Variants in TFG observed in about 807,000 individuals in gnomAD.
TFG encodes protein TFG.
TFG carries 22 observed loss-of-function variants against 51.4 expected under a neutral mutation model. That is an observed-to-expected ratio of 0.43 (90% confidence interval 0.31 to 0.61). The LOEUF (loss-of-function observed/expected upper bound fraction) is 0.61, where lower values mean the gene tolerates loss of function less well. Among genes scored for constraint, TFG ranks in the 20% least tolerant of loss-of-function variants. The pLI, the probability that TFG is intolerant of heterozygous loss-of-function variation, is 0.12. For missense variants in TFG, 419 were observed against 487.7 expected, an observed-to-expected ratio of 0.86 and a Z score of 1.33; for synonymous variants, 187 against 165.6, an observed-to-expected ratio of 1.13 and a Z score of -0.99.
At chr3:100,728,186 G>GT (rs957087938) in intron 3 of TFG, among the ~76,000 whole-genome samples, 10 of 151,470 alleles carry the variant, frequency 6.6e-5, no homozygotes, top group South Asian at 2.1e-4. Context: ...TTAGTTAGCT[G>GT]TTTTTTTTCA....
chr3:100,722,863 T>G (rs1191978348), intron 3 of TFG, among the ~76,000 whole-genome samples: 1 of 152,196 alleles, frequency 6.6e-6, no homozygotes, highest in East Asian at 1.9e-4. Context: ...TTTTTAACAG[T>G]GGTCTTCATC....
intron 1 of TFG, among the ~76,000 whole-genome samples, chr3:100,710,803 G>T (rs1442771991): frequency 6.6e-6 from 1 of 152,194 alleles, no homozygotes; most frequent in Non-Finnish European, 1.5e-5. Flanking sequence ...TTGTCGTAGG[G>T]CTCCTACTGG....
In TFG at chr3:100,732,545, T is replaced by C; in HGVS notation, c.453T>C (p.Asp151=). ...VDGREEKSAS[D]SSGKQSTQVM... ...GTAGGGAAGAAAAGTCTGCTTCTGATTCTTCTGGAAAACAGTCTACTCAGG... is the reference window on the plus strand; with the variant it reads ...GTAGGGAAGAAAAGTCTGCTTCTGACTCTTCTGGAAAACAGTCTACTCAGG... Residue 151 remains aspartate (D), a synonymous_variant, in exon 5 of 8, where the codon GAT becomes GAC. Transcript: ENST00000240851. 1 of 1,612,018 alleles carries C rather than the reference T, an allele frequency of 6.2e-7. No individual in the cohort carries two copies. Among genetic ancestry groups the C allele is most frequent in the Non-Finnish European group, 8.5e-7 (1 of 1,179,178 alleles).
intron 3 of TFG, among the ~76,000 whole-genome samples, chr3:100,722,751 G>C (rs1248655563): frequency 6.6e-6 from 1 of 152,158 alleles, no homozygotes; most frequent in Non-Finnish European, 1.5e-5. Context: ...AAAATAACTA[G>C]AAAAGTAGCA....
chr3:100,719,926 T>G, intron 2 of TFG, 49 bp from the exon 3 acceptor site: 1 of 1,248,472 alleles, frequency 8.0e-7, no homozygotes, highest in South Asian at 1.4e-5. Context: ...TATACAAATC[T>G]GAAAATTTAA....
intron 6 of TFG, 93 bp downstream of exon 6, chr3:100,736,809 G>T (rs2149087836): frequency 2.9e-6 from 4 of 1,366,738 alleles, no homozygotes; most frequent in Non-Finnish European, 4.0e-6. Context: ...ATTTAGTCAT[G>T]CCTTAAACAC....
At chr3:100,718,916 A>C (rs1214032967) in intron 2 of TFG, among the ~76,000 whole-genome samples, 1 of 152,102 alleles carries the variant, frequency 6.6e-6, no homozygotes, top group East Asian at 1.9e-4. Context: ...GAGTGGAGGG[A>C]TGGCTTAGGT....
At position 100,748,867 on chromosome 3, in the gene TFG, T is replaced by TATTA; in HGVS notation, c.*338_*341dup. The TATTA allele has an allele frequency of 3.7e-6, 1 of 270,550 alleles. No individual in the cohort carries two copies. Among genetic ancestry groups the TATTA allele is most frequent in the Non-Finnish European group, 7.1e-6 (1 of 141,386 alleles). 16.8% of individuals were successfully genotyped at this position (270,550 alleles called of 1,614,324 possible). A position where few individuals can be genotyped will look rare whatever the true frequency, so the allele number is the denominator to read the frequency against. Reference sequence around the variant, plus strand: ...TTAGCCATCTTACTTGGCTTTTTACTATTAACATGATGTACTAAAGTAGAG... The same window carrying TATTA: ...TTAGCCATCTTACTTGGCTTTTTACTATTAATTAACATGATGTACTAAAGTAGAG... On this transcript the variant is annotated 3_prime_UTR_variant, in exon 8 of 8. Transcript: ENST00000240851.
chr3:100,732,596 T>G lies in TFG; in HGVS notation c.504T>G (p.Phe168Leu). 6.2e-7 allele frequency: 1 copy of G among 1,612,674 alleles called. No individual in the cohort carries two copies. The highest frequency in any genetic ancestry group is 8.5e-7 in the Non-Finnish European group (1 of 1,179,288). The stretch of plus-strand genomic sequence containing the variant: ...TTATGGCAGCAAGTATGTCTGCTTT[T>G]GATCCTTTAAAAAACCAAGATGAAA... ...TQVMAASMSA[F>L]DPLKNQDEIN... The change falls in exon 5 of 8, where the codon TTT (phenylalanine) becomes TTG (leucine). Residue 168 changes from phenylalanine (F) to leucine (L), a missense_variant. Phe to Leu is a conservative substitution (Grantham distance 22, BLOSUM62 0). Around this residue, in one of 3 missense-constraint regions of TFG, gnomAD observed 391 missense variants for 434.4 expected, o/e 0.90. Coordinates refer to ENST00000240851, the MANE Select transcript of TFG (RefSeq NM_006070.6).
intron 4 of TFG, among the ~76,000 whole-genome samples, chr3:100,730,012 C>G (rs1397318924): frequency 6.6e-6 from 1 of 152,048 alleles, no homozygotes; most frequent in East Asian, 1.9e-4. Context: ...TATTTCAGGT[C>G]AAAGAAGGTT....
At chr3:100,719,931 A>G in intron 2 of TFG, 44 bp from the exon 3 acceptor site, 1 of 1,300,116 alleles carries the variant, frequency 7.7e-7, no homozygotes, top group Non-Finnish European at 1.1e-6. Context: ...AAATCTGAAA[A>G]TTTAAAAAAT....
intron 6 of TFG, among the ~76,000 whole-genome samples, chr3:100,740,201 A>G (rs1459886607): frequency 2.0e-5 from 3 of 152,192 alleles, no homozygotes; most frequent in Non-Finnish European, 4.4e-5. Context: ...CAAAACATAG[A>G]TACTTAGACA....
intron 6 of TFG, chr3:100,742,567 C>T (rs2095124130): frequency 6.6e-6 from 1 of 152,134 alleles, no homozygotes; most frequent in South Asian, 2.1e-4. Context: ...CACACACACC[C>T]ATAGTCGTTC....
At chr3:100,737,101 G>T (rs1161507820) in intron 6 of TFG, among the ~76,000 whole-genome samples, 3 of 152,068 alleles carry the variant, frequency 2.0e-5, no homozygotes, top group African/African-American at 7.2e-5. Flanking sequence ...ATTTAAAAAA[G>T]ATTTCTGAAT....
At chr3:100,718,468 G>C (rs1263902044) in intron 2 of TFG, among the ~76,000 whole-genome samples, 1 of 151,112 alleles carries the variant, frequency 6.6e-6, no homozygotes, top group Admixed American at 6.6e-5. Context: ...TTGTCCGTTG[G>C]TCACAGTTCA....
At chr3:100,731,967 T>C (rs917802574) in intron 4 of TFG, among the ~76,000 whole-genome samples, 1 of 152,224 alleles carries the variant, frequency 6.6e-6, no homozygotes, top group African/African-American at 2.4e-5. Context: ...AAAAATGTTT[T>C]TAATGTGCTA....
intron 3 of TFG, among the ~76,000 whole-genome samples, chr3:100,721,594 A>G (rs2095060955): frequency 1.3e-5 from 2 of 152,192 alleles, no homozygotes; most frequent in Non-Finnish European, 2.9e-5. Context: ...TAAACTATCC[A>G]TGTAGTTTGG....
At chr3:100,716,123 A>C (rs2149061536) in intron 2 of TFG, among the ~76,000 whole-genome samples, 1 of 152,270 alleles carries the variant, frequency 6.6e-6, no homozygotes, top group East Asian at 1.9e-4. Context: ...GTTATTGTTA[A>C]CTGTAGTCAT....
At chr3:100,721,052 A>G (rs2095059516) in intron 3 of TFG, among the ~76,000 whole-genome samples, 1 of 152,194 alleles carries the variant, frequency 6.6e-6, no homozygotes, top group South Asian at 2.1e-4. Context: ...GAATATGAAT[A>G]ATCAGAATTT....
Sources: gnomAD v4.1 joint callset for allele counts (sites outside exome capture counted in the v4.1 genomes callset) on GRCh38, gnomAD v4.1.1 for gene constraint, gnomAD v4.1.1 regional missense constraint, MANE v1.5 for transcripts, NCBI Gene and HGNC (gene_info 2026-07-23, HGNC 2026-07-21) for gene names.